Variants in RANGAP1 observed in about 807,000 individuals in gnomAD.
The protein encoded by RANGAP1 is ran GTPase-activating protein 1.
A neutral mutation model predicts 63.5 loss-of-function variants in RANGAP1; 38 were observed. That is an observed-to-expected ratio of 0.60 (90% CI 0.46 to 0.78). The LOEUF (loss-of-function observed/expected upper bound fraction) is 0.78. Ranked by LOEUF, RANGAP1 falls within the 30% of genes least tolerant of loss-of-function variation. The pLI is 0.00. For synonymous variants in RANGAP1, 329 were observed against 310.5 expected (o/e 1.06, Z -0.63); for missense variants, 630 against 740.3 (o/e 0.85, Z 1.73).
chr22:41,249,394 G>A lies in RANGAP1; in HGVS notation c.1630C>T (p.His544Tyr). The change falls in exon 15 of 16, where the codon CAC becomes TAC. Residue 544 changes from histidine (H) to tyrosine (Y), a missense_variant. His to Tyr is a moderately conservative substitution (Grantham distance 83). Coordinates refer to ENST00000356244, the MANE Select transcript of RANGAP1 (RefSeq NM_002883.4). ...GGGAAATAGTCCTGCTGCACCATGT[G>A]GTTCAGCGCCATCAGGGGGCCGTAC... Reference protein sequence around the residue: ...NLYGPLMALNHMVQQDYFPKA... With the variant: ...NLYGPLMALNYMVQQDYFPKA... 1 of 1,614,094 alleles carries A rather than the reference G, an allele frequency of 6.2e-7. No homozygotes were observed. Among genetic ancestry groups the A allele is most frequent in the Non-Finnish European group, 8.5e-7 (1 of 1,179,974 alleles).
the RANGAP1 span, among the ~76,000 whole-genome samples, chr22:41,300,428 TCACACACACACACACACACACA>T: frequency 1.1e-4 from 4 of 36,280 alleles, no homozygotes; most frequent in Non-Finnish European, 1.6e-4. Context: ...TATTGGGAAC[TCACACACACACACACACACACA>T]CACACACACA....
At chr22:41,280,898 C>T (rs1476875832) in intron 2 of RANGAP1, 35 bp downstream of exon 2, 61 of 1,613,016 alleles carry the variant, frequency 3.8e-5, no homozygotes, top group Non-Finnish European at 5.0e-5. Context: ...CTCTCCTCCC[C>T]TGGACACACC....
rs752673224 is a variant in RANGAP1, at chr22:41,256,263, T to C, written c.916A>G (p.Lys306Glu). Residue 306 changes from lysine (K) to glutamate (E), a missense_variant, in exon 9 of 16, where the codon AAG becomes GAG. Coordinates refer to ENST00000356244, the MANE Select transcript of RANGAP1 (RefSeq NM_002883.4). ...GCAACAGCCAGGGCAGCATCCCTCT[T>C]GATTTCACAGAATGACAAGTTCAGC... is the stretch of plus-strand genomic sequence containing the variant. ...KELNLSFCEI[K>E]RDAALAVAEA... 1.2e-6 allele frequency: 2 copies of C among 1,613,998 alleles called. No homozygotes were observed. Among genetic ancestry groups the C allele is most frequent in the South Asian group, 2.2e-5 (2 of 91,084 alleles).
intron 11 of RANGAP1, among the ~76,000 whole-genome samples, chr22:41,253,350 G>A (rs559096057): frequency 2.6e-5 from 4 of 152,360 alleles, no homozygotes; most frequent in Admixed American, 6.5e-5. Flanking sequence ...TCCAGCCTGG[G>A]TAAGCCCTGC....
intron 10 of RANGAP1, 89 bp downstream of exon 10, chr22:41,255,932 G>T: frequency 7.5e-7 from 1 of 1,332,950 alleles, no homozygotes; most frequent in Non-Finnish European, 1.1e-6. Flanking sequence ...TTAGCCTGGG[G>T]AACAGAGCAA....
chr22:41,261,672 A>C lies in RANGAP1; in HGVS notation c.481-92T>G, dbSNP rs553134241. On this transcript the variant is annotated intron_variant, in intron 5 of 15. Coordinates refer to ENST00000356244, the MANE Select transcript of RANGAP1 (RefSeq NM_002883.4). ...CTGCTGAACTGCTCTTCAACATCCC[A>C]CGCCACCCATCGGTGCAGGTCAGGG... is the stretch of plus-strand genomic sequence containing the variant. 93 of 1,520,984 alleles carry C rather than the reference A, an allele frequency of 6.1e-5. No individual in the cohort carries two copies. The Admixed American group carries it at 1.2e-3, about 19-fold the overall frequency. 94.2% of individuals were successfully genotyped at this position (1,520,984 alleles called of 1,614,324 possible).
chr22:41,293,398 G>C, the RANGAP1 span, among the ~76,000 whole-genome samples: 1 of 151,988 alleles, frequency 6.6e-6, no homozygotes, highest in Non-Finnish European at 1.5e-5. Flanking sequence ...GGCAACGGAG[G>C]GAGAACCTGT....
intron 4 of RANGAP1, among the ~76,000 whole-genome samples, chr22:41,265,960 T>A (rs925761491): frequency 6.6e-6 from 1 of 151,530 alleles, no homozygotes; most frequent in East Asian, 1.9e-4. Flanking sequence ...CCCAGCACTT[T>A]GGGAGGCCAA....
chr22:41,257,732 A>G lies in RANGAP1; in HGVS notation c.774+216T>C, dbSNP rs2033926667. 6.6e-6 allele frequency among the ~76,000 whole-genome samples: 1 copy of G among 152,266 alleles called. No individual in the cohort carries two copies. On this transcript the variant is annotated intron_variant, in intron 7 of 15. Coordinates refer to ENST00000356244, the MANE Select transcript of RANGAP1 (RefSeq NM_002883.4). This position sits in a 1 kb window ranked among gnomAD's most constrained non-coding sequence, Gnocchi z 4.0. ...CAGAGGCGGCTCAGGAGAAGGTGGC[A>G]TGAAGAATCAGAGCTGCCCGAGGAG... is the stretch of plus-strand genomic sequence containing the variant.
At chr22:41,293,420 A>G in the RANGAP1 span, among the ~76,000 whole-genome samples, 2 of 151,944 alleles carry the variant, frequency 1.3e-5, no homozygotes, top group East Asian at 1.9e-4. Context: ...TCAAAAGTAA[A>G]TAAATAAATA....
At chr22:41,264,535 T>C in intron 5 of RANGAP1, 129 bp downstream of exon 5, 2 of 1,201,836 alleles carry the variant, frequency 1.7e-6, no homozygotes, top group South Asian at 1.6e-5. Flanking sequence ...GCTGTTGCCT[T>C]TGAGGCCTTT....
the RANGAP1 span, among the ~76,000 whole-genome samples, chr22:41,300,426 A>ACT: frequency 1.2e-4 from 6 of 48,714 alleles, no homozygotes; most frequent in Non-Finnish European, 2.3e-4. Flanking sequence ...GGTATTGGGA[A>ACT]CTCACACACA....
chr22:41,279,425 G>C (rs2035360452), intron 2 of RANGAP1, among the ~76,000 whole-genome samples: 1 of 145,588 alleles, frequency 6.9e-6, no homozygotes, highest in Non-Finnish European at 1.5e-5. Flanking sequence ...AGCCGAGATT[G>C]CACCACTGCA....
chr22:41,268,948 C>T (rs1383948849), intron 3 of RANGAP1, among the ~76,000 whole-genome samples: 1 of 152,146 alleles, frequency 6.6e-6, no homozygotes, highest in Non-Finnish European at 1.5e-5. Flanking sequence ...GAGAGCAAGC[C>T]TCAGGCTCAG....
intron 1 of RANGAP1, among the ~76,000 whole-genome samples, chr22:41,284,120 G>A (rs945699100): frequency 3.3e-5 from 5 of 152,138 alleles, no homozygotes; most frequent in Non-Finnish European, 1.5e-5. Flanking sequence ...GGTGGCGGGG[G>A]CCTGTAGTCC....
chr22:41,289,245 C>T (rs974442432), upstream of RANGAP1, among the ~76,000 whole-genome samples: 1 of 151,832 alleles, frequency 6.6e-6, no homozygotes, highest in East Asian at 1.9e-4. Context: ...TCTTAAACCT[C>T]TTTACAAATG....
intron 6 of RANGAP1, among the ~76,000 whole-genome samples, chr22:41,260,547 TTTAAA>T (rs2034105442): frequency 6.6e-6 from 1 of 152,180 alleles, no homozygotes; most frequent in African/African-American, 2.4e-5. Flanking sequence ...GAAGAAAACA[TTTAAA>T]TTAAGAGAAG....
At chr22:41,267,171 G>A (rs1450912179) in intron 4 of RANGAP1, among the ~76,000 whole-genome samples, 1 of 151,698 alleles carries the variant, frequency 6.6e-6, no homozygotes, top group Non-Finnish European at 1.5e-5. Context: ...GAGCCACCAC[G>A]CCTGGCCAGA....
intron 3 of RANGAP1, among the ~76,000 whole-genome samples, chr22:41,272,972 C>T (rs185085800): frequency 4.6e-5 from 7 of 152,146 alleles, no homozygotes; most frequent in African/African-American, 9.6e-5. Context: ...ACCACCATGC[C>T]GGGCTAATTT....
Sources: gnomAD v4.1 joint callset for allele counts (sites outside exome capture counted in the v4.1 genomes callset) on GRCh38, gnomAD v4.1.1 for gene constraint, Gnocchi (gnomAD v3.1) non-coding constraint, MANE v1.5 for transcripts, NCBI Gene and HGNC (gene_info 2026-07-23, HGNC 2026-07-21) for gene names.